ZDHHC13: variants seen among roughly 807,000 people sequenced by gnomAD.
ZDHHC13 encodes the protein zDHHC palmitoyltransferase 13.
ZDHHC13 carries 85 observed loss-of-function variants against 86.0 expected under a neutral mutation model. That is an observed-to-expected ratio of 0.99 (90% confidence interval 0.83 to 1.18). The LOEUF is 1.18. ZDHHC13 is among the 50% of genes most tolerant of loss of function. ZDHHC13 has a pLI of 0.00. For synonymous variants in ZDHHC13, 263 were observed against 246.4 expected (o/e 1.07, Z -0.63); for missense variants, 711 against 730.2 (o/e 0.97, Z 0.30).
intron 1 of ZDHHC13, among the ~76,000 whole-genome samples, chr11:19,141,848 A>T (rs577062329): frequency 3.8e-4 from 58 of 152,246 alleles, no homozygotes; most frequent in Non-Finnish European, 4.7e-4. Flanking sequence ...GGTGATCCGA[A>T]TGTAACATTT....
intron 1 of ZDHHC13, chr11:19,118,738 C>T (rs1334293301): frequency 6.6e-6 from 1 of 152,174 alleles, no homozygotes; most frequent in East Asian, 1.9e-4. Flanking sequence ...ATGTGAAGAC[C>T]TCACCTATAT....
At chr11:19,130,762 T>C (rs1848979497) in intron 1 of ZDHHC13, among the ~76,000 whole-genome samples, 2 of 152,194 alleles carry the variant, frequency 1.3e-5, no homozygotes, top group Non-Finnish European at 2.9e-5. Flanking sequence ...CTTTCTGGCT[T>C]GCCTTATGTC....
intron 6 of ZDHHC13, among the ~76,000 whole-genome samples, chr11:19,151,718 G>A (rs7112119): frequency 0.22 from 33,758 of 151,708 alleles, 4,686 homozygotes; most frequent in African/African-American, 0.39. Context: ...ATATTTTAGG[G>A]CATAATTTAT....
rs536988263 is a variant in ZDHHC13, at chr11:19,169,797, A to C, written c.1475-614A>C. ...AATTGGCACACCTGGGGAGAAACTG[A>C]GCTGTGACCATCTGAATCTTGCTCT... On this transcript the variant is annotated intron_variant, in intron 14 of 16. Coordinates refer to ENST00000446113, the MANE Select transcript of ZDHHC13 (RefSeq NM_019028.3). 41 of 985,540 alleles carry C rather than the reference A, an allele frequency of 4.2e-5. No homozygotes were observed. The African/African-American group carries it at 6.4e-4, about 16-fold the overall frequency. 61.0% of individuals were successfully genotyped at this position (985,540 alleles called of 1,614,324 possible).
intron 4 of ZDHHC13, among the ~76,000 whole-genome samples, chr11:19,148,420 A>G (rs1188536257): frequency 1.3e-5 from 2 of 152,078 alleles, no homozygotes; most frequent in African/African-American, 4.8e-5. Context: ...AAAATGAACC[A>G]TAGTCAAGCA....
intron 1 of ZDHHC13, among the ~76,000 whole-genome samples, chr11:19,128,831 A>C (rs1375179492): frequency 6.6e-6 from 1 of 152,192 alleles, no homozygotes; most frequent in Non-Finnish European, 1.5e-5. Flanking sequence ...CATTTATAGC[A>C]ATTTTCTAGG....
intron 1 of ZDHHC13, among the ~76,000 whole-genome samples, chr11:19,137,115 G>A (rs199803511): frequency 2.0e-5 from 3 of 152,178 alleles, no homozygotes; most frequent in African/African-American, 7.2e-5. Context: ...AAAAGGCACA[G>A]ACTGGCAAAT....
At chr11:19,148,370 T>G (rs1238663561) in intron 4 of ZDHHC13, among the ~76,000 whole-genome samples, 1 of 152,066 alleles carries the variant, frequency 6.6e-6, no homozygotes, top group African/African-American at 2.4e-5. Context: ...TAGGGTTACT[T>G]CATGCCCTTT....
chr11:19,152,703 T>C lies in ZDHHC13; in HGVS notation c.873+19T>C. The C allele has an allele frequency of 6.2e-7, 1 of 1,612,404 alleles. No individual in the cohort carries two copies. Among genetic ancestry groups the C allele is most frequent in the Non-Finnish European group, 8.5e-7 (1 of 1,178,746 alleles). Reference sequence around the variant, plus strand: ...ATGCGAGGTATTTTCATATGGGGTCTTTTCTATGGGATAGATGACTTTTTT... The same window carrying C: ...ATGCGAGGTATTTTCATATGGGGTCCTTTCTATGGGATAGATGACTTTTTT... On this transcript the variant is annotated intron_variant, in intron 8 of 16. Transcript: ENST00000446113.
chr11:19,164,245 T>C (rs1849992543), intron 11 of ZDHHC13, 56 bp from the exon 12 acceptor site: 2 of 1,557,582 alleles, frequency 1.3e-6, no homozygotes, highest in East Asian at 4.5e-5. Flanking sequence ...TGTATAACCA[T>C]GCATAATACA....
intron 12 of ZDHHC13, chr11:19,164,801 G>A (rs180916674): frequency 1.7e-4 from 82 of 492,646 alleles, no homozygotes; most frequent in Middle Eastern, 1.7e-3. Flanking sequence ...TTTGCTCTGT[G>A]GTACTGCCTC....
In ZDHHC13 at chr11:19,133,920, C is replaced by CATATATATATATAT. The variant is rs1554961794; in HGVS notation, c.28-9048_28-9035dup. Among the ~76,000 whole-genome samples, 197 of 83,382 alleles carry CATATATATATATAT rather than the reference C, an allele frequency of 2.4e-3. 1 individual carries two copies. The South Asian group carries it at 0.024, about 10-fold the overall frequency. 54.7% of individuals were successfully genotyped at this position (83,382 alleles called of 152,430 possible). ...TTCTTTACTCTTTACGAAAGAAGTC[C>CATATATATATATAT]ATATATATATATATATATATATACA... On this transcript the variant is annotated intron_variant, in intron 1 of 16. Transcript: ENST00000446113.
intron 1 of ZDHHC13, among the ~76,000 whole-genome samples, chr11:19,119,709 T>C (rs1052187977): frequency 6.6e-6 from 1 of 152,264 alleles, no homozygotes; most frequent in Non-Finnish European, 1.5e-5. Flanking sequence ...TATTGTTTCT[T>C]TCTCCTCCAC....
intron 11 of ZDHHC13, 29 bp downstream of exon 11, chr11:19,163,456 A>G (rs1249534831): frequency 1.3e-6 from 2 of 1,558,812 alleles, no homozygotes; most frequent in Non-Finnish European, 1.7e-6. Flanking sequence ...TGATATTTTT[A>G]ATAGGAGGGT....
intron 15 of ZDHHC13, among the ~76,000 whole-genome samples, chr11:19,172,435 G>A (rs1850249075): frequency 6.6e-6 from 1 of 152,182 alleles, no homozygotes; most frequent in South Asian, 2.1e-4. Context: ...GTGGTATGAT[G>A]AGCTGCTTTA....
chr11:19,176,200 A>C lies in ZDHHC13; in HGVS notation c.*240A>C, dbSNP rs1017268773. 2 of 346,810 alleles carry C rather than the reference A, an allele frequency of 5.8e-6. No homozygotes were observed. The highest frequency in any genetic ancestry group is 4.3e-5 in the African/African-American group (2 of 46,904). 21.5% of individuals were successfully genotyped at this position (346,810 alleles called of 1,614,324 possible). ...AAAAAAAACCATATTTTTCACAAGA[A>C]AATGCAAGTTACTTTTTTTGGAAAT... On this transcript the variant is annotated 3_prime_UTR_variant, in exon 17 of 17. Coordinates refer to ENST00000446113, the MANE Select transcript of ZDHHC13 (RefSeq NM_019028.3).
chr11:19,148,140 A>G (rs1255121652), intron 4 of ZDHHC13, among the ~76,000 whole-genome samples: 1 of 152,104 alleles, frequency 6.6e-6, no homozygotes, highest in Non-Finnish European at 1.5e-5. Flanking sequence ...TCAACTTAGA[A>G]CATTTATATT....
chr11:19,156,550 A>G lies in ZDHHC13; in HGVS notation c.1007+621A>G, dbSNP rs78994724. ...AATGCCTGCCTCATGGTTAACACATATAAACACATAGAACTATAGCTGACA... is the reference window on the plus strand; with the variant it reads ...AATGCCTGCCTCATGGTTAACACATGTAAACACATAGAACTATAGCTGACA... On this transcript the variant is annotated intron_variant, in intron 9 of 16. Coordinates refer to ENST00000446113, the MANE Select transcript of ZDHHC13 (RefSeq NM_019028.3). Among the ~76,000 whole-genome samples, 1,047 of 152,308 alleles carry G rather than the reference A, an allele frequency of 6.9e-3. 9 individuals are homozygous for G. Among genetic ancestry groups the G allele is most frequent in the African/African-American group, 0.024 (984 of 41,552 alleles).
At chr11:19,150,647 T>G (rs201268167) in intron 5 of ZDHHC13, 80 bp from the exon 6 acceptor site, 2 of 1,216,932 alleles carry the variant, frequency 1.6e-6, no homozygotes, top group Non-Finnish European at 2.4e-6. Flanking sequence ...TTGAATGTAT[T>G]AAAGAGATAT....
Sources: gnomAD v4.1 joint callset for allele counts (sites outside exome capture counted in the v4.1 genomes callset) on GRCh38, gnomAD v4.1.1 for gene constraint, MANE v1.5 for transcripts, NCBI Gene and HGNC (gene_info 2026-07-23, HGNC 2026-07-21) for gene names.